CNTNAP2: variants seen among roughly 807,000 people sequenced by gnomAD.
CNTNAP2 encodes the protein contactin associated protein 2, also known as contactin-associated protein-like 2.
A neutral mutation model predicts 155.2 loss-of-function variants in CNTNAP2; 98 were observed. The ratio of observed to expected loss-of-function variants is 0.63; its 90% CI spans 0.54 to 0.75. The LOEUF (loss-of-function observed/expected upper bound fraction) is 0.75, where lower values mean the gene tolerates loss of function less well. CNTNAP2 is among the 30% of genes least tolerant of loss of function. CNTNAP2 has a pLI of 0.00. For missense variants in CNTNAP2, 1,727 were observed against 1,688.1 expected, an observed-to-expected ratio of 1.02 and a Z score of -0.40; for synonymous variants, 651 against 631.2, an observed-to-expected ratio of 1.03 and a Z score of -0.47.
rs575609500 is a variant in CNTNAP2, at chr7:146,929,571, G to A, written c.402+89667G>A. On this transcript the variant is annotated intron_variant, in intron 3 of 23. Transcript: ENST00000361727. ...AGGCACGCAGTTCCTCACCAGCAAC[G>A]GAACAAAGCTGGACGGAGAATGACT... Among the ~76,000 whole-genome samples, 20 of 152,246 alleles carry A rather than the reference G, an allele frequency of 1.3e-4. 1 individual carries two copies. In the South Asian group the frequency reaches 3.3e-3, roughly 25 times the overall value.
intron 20 of CNTNAP2, among the ~76,000 whole-genome samples, chr7:148,255,568 G>C (rs551775852): frequency 6.6e-6 from 1 of 152,076 alleles, no homozygotes; most frequent in Non-Finnish European, 1.5e-5. Context: ...AGAAATTTTT[G>C]ATATAAAACA....
intron 3 of CNTNAP2, among the ~76,000 whole-genome samples, chr7:147,025,190 A>C (rs926031150): frequency 6.8e-6 from 1 of 147,458 alleles, no homozygotes; most frequent in Admixed American, 6.8e-5. Flanking sequence ...AGAGGCTGAG[A>C]CAAGAGAATC....
chr7:146,124,455 A>G (rs1797606615), intron 1 of CNTNAP2, among the ~76,000 whole-genome samples: 2 of 152,200 alleles, frequency 1.3e-5, no homozygotes, highest in African/African-American at 4.8e-5. Context: ...TCAAAAATTT[A>G]TAAACAGAAC....
intron 4 of CNTNAP2, among the ~76,000 whole-genome samples, chr7:147,091,619 T>TA (rs1800408747): frequency 8.8e-5 from 1 of 11,394 alleles, no homozygotes; most frequent in African/African-American, 2.6e-4. Context: ...ACCCAGCTAA[T>TA]TTTTTTTTTT....
chr7:146,139,937 A>C (rs1797854086), intron 1 of CNTNAP2, among the ~76,000 whole-genome samples: 1 of 152,172 alleles, frequency 6.6e-6, no homozygotes, highest in African/African-American at 2.4e-5. Context: ...GTATGAAATT[A>C]ACATGTAATT....
chr7:146,599,741 C>T (rs373981416), intron 1 of CNTNAP2, among the ~76,000 whole-genome samples: 16 of 40,476 alleles, frequency 4.0e-4, no homozygotes, highest in Non-Finnish European at 6.1e-4. Context: ...AGACGACAGA[C>T]AGAGATAGAT....
At chr7:148,337,704 T>A (rs1563049048) in intron 21 of CNTNAP2, among the ~76,000 whole-genome samples, 1 of 152,230 alleles carries the variant, frequency 6.6e-6, no homozygotes, top group Non-Finnish European at 1.5e-5. Flanking sequence ...TGGGTTTTTA[T>A]GTATTTCTAG....
chr7:148,149,816 T>C (rs1320275273), intron 17 of CNTNAP2, among the ~76,000 whole-genome samples: 1 of 151,956 alleles, frequency 6.6e-6, no homozygotes, highest in African/African-American at 2.4e-5. Context: ...CCTCCCAAAA[T>C]GCTGGGATTA....
chr7:147,529,470 G>A lies in CNTNAP2; in HGVS notation c.1778-32668G>A, dbSNP rs189152424. Among the ~76,000 whole-genome samples the A allele has an allele frequency of 2.0e-3, 309 of 152,240 alleles. 1 individual carries two copies. Among genetic ancestry groups the A allele is most frequent in the African/African-American group, 7.4e-3 (306 of 41,536 alleles). ...TCATCCTCCTGGCTATGATCATGAG[G>A]CTACAACATAACACTGTGGCTTTTT... On this transcript the variant is annotated intron_variant, in intron 11 of 23. Coordinates refer to ENST00000361727, the MANE Select transcript of CNTNAP2 (RefSeq NM_014141.6).
chr7:147,206,096 A>G (rs974950559), intron 8 of CNTNAP2, among the ~76,000 whole-genome samples: 3 of 152,154 alleles, frequency 2.0e-5, no homozygotes, highest in Non-Finnish European at 4.4e-5. Context: ...AAATCTGTAT[A>G]TGTAAACTCT....
intron 13 of CNTNAP2, among the ~76,000 whole-genome samples, chr7:147,684,324 A>G (rs1437252995): frequency 6.6e-6 from 1 of 151,884 alleles, no homozygotes; most frequent in Non-Finnish European, 1.5e-5. Context: ...CTTTATCACC[A>G]TGGATTTTAA....
chr7:147,478,169 G>A (rs534253285), intron 10 of CNTNAP2, among the ~76,000 whole-genome samples: 1 of 147,656 alleles, frequency 6.8e-6, no homozygotes, highest in African/African-American at 2.5e-5. Context: ...TTTGGGTGGT[G>A]GGGGAGGGAG....
intron 21 of CNTNAP2, among the ~76,000 whole-genome samples, chr7:148,369,240 C>G (rs537155762): frequency 1.2e-3 from 139 of 113,074 alleles, no homozygotes; most frequent in African/African-American, 4.5e-3. Context: ...CCTCTATTGC[C>G]CAGGCTGGAA....
At chr7:147,729,567 A>AG (rs1028438173) in intron 13 of CNTNAP2, among the ~76,000 whole-genome samples, 2 of 151,804 alleles carry the variant, frequency 1.3e-5, no homozygotes, top group African/African-American at 4.8e-5. Context: ...TGAGGCAAAA[A>AG]AAATACATCA....
At chr7:146,215,842 T>C (rs573050047) in intron 1 of CNTNAP2, among the ~76,000 whole-genome samples, 2 of 152,196 alleles carry the variant, frequency 1.3e-5, no homozygotes, top group Non-Finnish European at 2.9e-5. Context: ...TCGGCTGATA[T>C]CGCATTTGCT....
At chr7:146,744,725 T>C (rs908952134) in intron 1 of CNTNAP2, among the ~76,000 whole-genome samples, 1 of 152,094 alleles carries the variant, frequency 6.6e-6, no homozygotes, top group Non-Finnish European at 1.5e-5. Context: ...AATTCAGTGG[T>C]GGTAAATGTT....
chr7:146,922,032 C>T (rs1448948719), intron 3 of CNTNAP2, among the ~76,000 whole-genome samples: 1 of 152,130 alleles, frequency 6.6e-6, no homozygotes, highest in Non-Finnish European at 1.5e-5. Flanking sequence ...TAGAAAATTT[C>T]ATCTCATTGT....
chr7:146,329,975 C>G (rs947530422), intron 1 of CNTNAP2, among the ~76,000 whole-genome samples: 2 of 132,450 alleles, frequency 1.5e-5, no homozygotes, highest in Non-Finnish European at 3.2e-5. Context: ...ATATTTTCTT[C>G]GTTAAAAATC....
intron 1 of CNTNAP2, among the ~76,000 whole-genome samples, chr7:146,681,644 G>C (rs935340317): frequency 2.8e-5 from 2 of 72,414 alleles, no homozygotes. Flanking sequence ...GGAGAAAAGA[G>C]AGGAATGGGA....
Sources: gnomAD v4.1 joint callset for allele counts (sites outside exome capture counted in the v4.1 genomes callset) on GRCh38, gnomAD v4.1.1 for gene constraint, MANE v1.5 for transcripts, NCBI Gene and HGNC (gene_info 2026-07-23, HGNC 2026-07-21) for gene names.